Variants in EPAS1 observed in about 807,000 individuals in gnomAD.
EPAS1 encodes the protein endothelial PAS domain protein 1, also known as endothelial PAS domain-containing protein 1.
A neutral mutation model predicts 87.9 loss-of-function variants in EPAS1; 23 were observed. The observed-to-expected ratio is 0.26, with a 90% confidence interval of 0.19 to 0.37. The LOEUF is 0.37. Among genes scored for constraint, EPAS1 ranks in the 10% least tolerant of loss-of-function variants. The pLI is 1.00. For synonymous variants in EPAS1, 508 were observed against 444.3 expected (o/e 1.14, Z -1.80); for missense variants, 1,138 against 1,120.7 (o/e 1.02, Z -0.22).
At chr2:46,370,869 A>G (rs1366642982) in intron 7 of EPAS1, among the ~76,000 whole-genome samples, 2 of 152,156 alleles carry the variant, frequency 1.3e-5, no homozygotes, top group East Asian at 3.9e-4. Flanking sequence ...CTCTGGGCCT[A>G]TAACCCTGTA....
chr2:46,379,181 TTAAAA>T (rs1282666028), intron 11 of EPAS1, among the ~76,000 whole-genome samples: 24 of 152,360 alleles, frequency 1.6e-4, no homozygotes, highest in Admixed American at 1.2e-3. Flanking sequence ...GAAATGCACT[TTAAAA>T]TAAATAACAT....
chr2:46,356,128 G>GGGGGGGGGCC, intron 2 of EPAS1, 23 bp from the exon 3 acceptor site: 1 of 1,432,146 alleles, frequency 7.0e-7, no homozygotes, highest in Non-Finnish European at 9.5e-7. Flanking sequence ...CATGCAAGCT[G>GGGGGGGGGCC]TCCCACCCCC....
chr2:46,351,210 G>A (rs1341445841), intron 2 of EPAS1, among the ~76,000 whole-genome samples: 1 of 152,282 alleles, frequency 6.6e-6, no homozygotes, highest in Admixed American at 6.5e-5. Context: ...GTCTCTTCTA[G>A]AGATACTGAC....
At chr2:46,325,944 A>G (rs1345951878) in intron 1 of EPAS1, among the ~76,000 whole-genome samples, 1 of 152,200 alleles carries the variant, frequency 6.6e-6, no homozygotes, top group East Asian at 1.9e-4. Context: ...AGCTGTAGTG[A>G]TCACTTCCTG....
In EPAS1 at chr2:46,371,299, C is replaced by T. The variant is rs534514711; in HGVS notation, c.886+1366C>T. 2.6e-4 allele frequency among the ~76,000 whole-genome samples: 40 copies of T among 152,312 alleles called. No homozygotes were observed. Among genetic ancestry groups the T allele is most frequent in the Admixed American group, 7.8e-4 (12 of 15,308 alleles). ...AGTGCAGCCAGCAGAGTCACAACCC[C>T]GCAAGCTGTATGTGAACATGGTTAA... On this transcript the variant is annotated intron_variant, in intron 7 of 15. Transcript: ENST00000263734. This position sits in a 1 kb window ranked among gnomAD's most constrained non-coding sequence, Gnocchi z 4.3.
At chr2:46,314,665 C>T (rs1415684064) in intron 1 of EPAS1, among the ~76,000 whole-genome samples, 2 of 152,298 alleles carry the variant, frequency 1.3e-5, no homozygotes, top group East Asian at 1.9e-4. Flanking sequence ...AGTGGAGCCT[C>T]GTCCTGACTC....
At chr2:46,374,115 C>T (rs750047143) in intron 7 of EPAS1, among the ~76,000 whole-genome samples, 2 of 152,230 alleles carry the variant, frequency 1.3e-5, no homozygotes, top group Non-Finnish European at 2.9e-5. Flanking sequence ...AATTCTTGCA[C>T]TTTGCAGGTG....
At chr2:46,338,492 C>T (rs1683843717) in intron 1 of EPAS1, among the ~76,000 whole-genome samples, 1 of 152,138 alleles carries the variant, frequency 6.6e-6, no homozygotes, top group Admixed American at 6.5e-5. Context: ...TGGCTTTCTC[C>T]CTGCTTTTTC....
rs1047245407 is a variant in EPAS1, at chr2:46,377,916, C to A, written c.1272C>A (p.Ser424=). The part of the protein sequence containing the change: ...LDFGNQNFEE[S]SAYGKAILPP... ...CAGGGAATCAGAACTTCGAGGAGTC[C>A]TCAGCCTATGGCAAGGCCATCCTGC... The change falls in exon 10 of 16, where the codon TCC becomes TCA. Residue 424 remains serine, a synonymous_variant. Coordinates refer to ENST00000263734, the MANE Select transcript of EPAS1 (RefSeq NM_001430.5). 47 of 1,553,380 alleles carry A rather than the reference C, an allele frequency of 3.0e-5. No homozygotes were observed. Among genetic ancestry groups the A allele is most frequent in the Non-Finnish European group, 4.1e-5 (47 of 1,147,932 alleles).
rs1684876888 is a variant in EPAS1 at position 46,380,972 on chromosome 2, C to T, written c.2045+255C>T. ...TGAGAGCCCTGTACCTCAGTGTCTC[C>T]CTTCGGACCACCACCAGAGTGCCTT... On this transcript the variant is annotated intron_variant, in intron 12 of 15. Coordinates refer to ENST00000263734, the MANE Select transcript of EPAS1 (RefSeq NM_001430.5). The surrounding 1 kb of genome is among the most constrained non-coding windows in gnomAD (Gnocchi z 4.4). Among the ~76,000 whole-genome samples, 1 of 152,106 alleles carries T rather than the reference C, an allele frequency of 6.6e-6. No homozygotes were observed. The highest frequency in any genetic ancestry group is 2.1e-4 in the South Asian group (1 of 4,812).
intron 6 of EPAS1, among the ~76,000 whole-genome samples, chr2:46,365,575 C>T (rs533882339): frequency 6.6e-6 from 1 of 152,222 alleles, no homozygotes; most frequent in African/African-American, 2.4e-5. Context: ...TATGTATACT[C>T]TTACCCCTAC....
chr2:46,309,768 C>A (rs1304541044), intron 1 of EPAS1, among the ~76,000 whole-genome samples: 1 of 152,148 alleles, frequency 6.6e-6, no homozygotes. Flanking sequence ...AGATGAGGAC[C>A]AGGCCTGGGC....
chr2:46,297,752 G>T lies in EPAS1; in HGVS notation c.-160G>T, dbSNP rs1226034878. On this transcript the variant is annotated 5_prime_UTR_variant, in exon 1 of 16. Transcript: ENST00000263734. Reference sequence around the variant, plus strand: ...CGCCCCCGCACCTAGCCCGCCGCGCGCCACCTTCCACCTGACTGCGCGGGG... The same window carrying T: ...CGCCCCCGCACCTAGCCCGCCGCGCTCCACCTTCCACCTGACTGCGCGGGG... 4.5e-6 allele frequency: 4 copies of T among 889,938 alleles called. No individual in the cohort carries two copies. The African/African-American group carries it at 5.2e-5, about 12-fold the overall frequency. The allele number at this position is 889,938 out of a possible 1,614,324, so 55.1% of individuals were successfully genotyped here.
rs1045096177 is a variant in EPAS1 at position 46,302,126 on chromosome 2, G to C, written c.26+4189G>C. Among the ~76,000 whole-genome samples the C allele has an allele frequency of 2.7e-3, 392 of 142,708 alleles. 7 individuals carry two copies. The South Asian group carries it at 0.033, about 12-fold the overall frequency. The allele number at this position is 142,708 out of a possible 152,430, so 93.6% of individuals were successfully genotyped here. The stretch of plus-strand genomic sequence containing the variant: ...AATGTCCCTCTTTCTCTCTGTGTGT[G>C]TGTGTGTGTGTGTGTGTGTGTGTGC... On this transcript the variant is annotated intron_variant, in intron 1 of 15. Coordinates refer to ENST00000263734, the MANE Select transcript of EPAS1 (RefSeq NM_001430.5).
rs186581188 is a variant in EPAS1 at position 46,348,886 on chromosome 2, A to C, written c.217+1823A>C. The stretch of plus-strand genomic sequence containing the variant: ...GATTTCAGGTTTTCAGATTAGGGAC[A>C]GTCAACCTGTATATTAATTGTAGAA... On this transcript the variant is annotated intron_variant, in intron 2 of 15. Coordinates refer to ENST00000263734, the MANE Select transcript of EPAS1 (RefSeq NM_001430.5). Among the ~76,000 whole-genome samples, 324 of 152,334 alleles carry C rather than the reference A, an allele frequency of 2.1e-3. 2 individuals are homozygous for C. The highest frequency in any genetic ancestry group is 7.5e-3 in the African/African-American group (311 of 41,572).
In EPAS1 at chr2:46,346,929, G is replaced by A. The variant is rs2103616176; in HGVS notation, c.83G>A (p.Ser28Asn). The change falls in exon 2 of 16, where the codon AGC becomes AAC. Residue 28 changes from serine (S) to asparagine (N), a missense_variant. This residue lies in a region of EPAS1 where 351 missense variants were observed against 417.1 expected (regional missense o/e 0.84). Transcript: ENST00000263734. The surrounding 1 kb of genome is among the most constrained non-coding windows in gnomAD (Gnocchi z 4.0). ...KSRDAARCRR[S>N]KETEVFYELA... ...CGGGATGCTGCGCGGTGCCGGCGGA[G>A]CAAGGAGACGGAGGTGTTCTATGAG... is the stretch of plus-strand genomic sequence containing the variant. The A allele has an allele frequency of 1.2e-6, 2 of 1,614,222 alleles. No individual in the cohort carries two copies. Among genetic ancestry groups the A allele is most frequent in the South Asian group, 1.1e-5 (1 of 91,084 alleles).
chr2:46,356,914 G>A, intron 4 of EPAS1, 106 bp downstream of exon 4: 1 of 829,944 alleles, frequency 1.2e-6, no homozygotes, highest in Non-Finnish European at 2.1e-6. Flanking sequence ...TGTGATGCAG[G>A]AAAAATGGAT....
In EPAS1 at chr2:46,384,529, G is replaced by C. The variant is rs749690854; in HGVS notation, c.2482G>C (p.Gly828Arg). The part of the protein sequence containing the change: ...KVSGMASRLL[G>R]PSFESYLLPE... ...TTCAGGCATGGCAAGCCGGCTGCTC[G>C]GGCCCTCATTTGAGTCCTACCTGCT... Residue 828 changes from glycine (G) to arginine (R), a missense_variant, in exon 16 of 16, where the codon GGG (glycine) becomes CGG (arginine). Gly to Arg is a moderately radical substitution (Grantham distance 125). Around this residue, in one of 4 missense-constraint regions of EPAS1, gnomAD observed 502 missense variants for 427.1 expected, o/e 1.18. Transcript: ENST00000263734. The C allele has an allele frequency of 6.2e-7, 1 of 1,614,070 alleles. No homozygotes were observed. The highest frequency in any genetic ancestry group is 8.5e-7 in the Non-Finnish European group (1 of 1,180,038).
rs886056081 is a variant in EPAS1, at chr2:46,297,774, G to T, written c.-138G>T. On this transcript the variant is annotated 5_prime_UTR_variant, in exon 1 of 16. Coordinates refer to ENST00000263734, the MANE Select transcript of EPAS1 (RefSeq NM_001430.5). ...CGCGCCACCTTCCACCTGACTGCGC[G>T]GGGCGCTCGGGACCTGCGCGCACCT... is the stretch of plus-strand genomic sequence containing the variant. 7 of 1,212,082 alleles carry T rather than the reference G, an allele frequency of 5.8e-6. No homozygotes were observed. In the East Asian group the frequency reaches 1.3e-4, roughly 22 times the overall value. The allele number at this position is 1,212,082 out of a possible 1,614,324, so 75.1% of individuals were successfully genotyped here. A position where few individuals can be genotyped will look rare whatever the true frequency, so the allele number is the denominator to read the frequency against.
Sources: allele counts gnomAD v4.1 joint callset (sites outside exome capture counted in the v4.1 genomes callset), GRCh38; gene constraint gnomAD v4.1.1; regional missense constraint gnomAD v4.1.1; non-coding constraint Gnocchi (gnomAD v3.1); transcripts MANE v1.5; gene names NCBI Gene and HGNC (gene_info 2026-07-23, HGNC 2026-07-21).